SLC35F4: variants seen among roughly 807,000 people sequenced by gnomAD.
SLC35F4 encodes solute carrier family 35 member F4.
SLC35F4 carries 24 observed loss-of-function variants against 44.2 expected under a neutral mutation model. That is an observed-to-expected ratio of 0.54 (90% CI 0.39 to 0.76). The LOEUF (loss-of-function observed/expected upper bound fraction) is 0.76, where lower values mean the gene tolerates loss of function less well. Among genes scored for constraint, SLC35F4 ranks in the 30% least tolerant of loss-of-function variants. The probability of loss-of-function intolerance (pLI) is 0.00; values close to 1 mark genes in which losing one functional copy is unlikely to be tolerated. For missense variants in SLC35F4, 562 were observed against 586.1 expected (o/e 0.96, Z 0.42); for synonymous variants, 238 against 223.6 (o/e 1.06, Z -0.57).
chr14:57,891,667 G>C (rs1888766701), intron 1 of SLC35F4, among the ~76,000 whole-genome samples: 2 of 152,078 alleles, frequency 1.3e-5, no homozygotes, highest in South Asian at 4.1e-4. Context: ...CACGAGATCA[G>C]GAGATCGAGA....
chr14:57,590,404 C>T (rs1391159882), intron 2 of SLC35F4, among the ~76,000 whole-genome samples: 2 of 151,590 alleles, frequency 1.3e-5, no homozygotes, highest in Non-Finnish European at 1.5e-5. Flanking sequence ...AAAAAAAATG[C>T]AACAGAGATG....
chr14:57,764,193 T>C (rs935045344), intron 1 of SLC35F4, among the ~76,000 whole-genome samples: 6 of 152,206 alleles, frequency 3.9e-5, no homozygotes, highest in Non-Finnish European at 7.4e-5. Context: ...TAGCAACCCA[T>C]AGAATCATGA....
chr14:57,916,500 G>A (rs1305443490), intron 1 of SLC35F4, among the ~76,000 whole-genome samples: 2 of 152,106 alleles, frequency 1.3e-5, no homozygotes, highest in Non-Finnish European at 2.9e-5. Flanking sequence ...TGAGCTTCCT[G>A]GATCTGTAGT....
intron 1 of SLC35F4, chr14:57,596,833 T>C: frequency 1.5e-6 from 2 of 1,367,702 alleles, no homozygotes; most frequent in South Asian, 1.1e-5. Context: ...GCAAAGCCCA[T>C]TGCCTGCTGC....
At chr14:57,622,948 C>G (rs931809207) in intron 1 of SLC35F4, among the ~76,000 whole-genome samples, 19 of 152,056 alleles carry the variant, frequency 1.2e-4, no homozygotes, top group African/African-American at 4.6e-4. Flanking sequence ...ACAGGATCGA[C>G]TTCACACATA....
chr14:57,569,672 A>G (rs1269977147), intron 6 of SLC35F4, 116 bp downstream of exon 6: 13 of 1,183,016 alleles, frequency 1.1e-5, no homozygotes, highest in African/African-American at 3.1e-5. Flanking sequence ...ATTGAACAAC[A>G]TAAGTTTGGG....
intron 3 of SLC35F4, among the ~76,000 whole-genome samples, chr14:57,582,677 T>C (rs768480295): frequency 6.6e-6 from 1 of 152,230 alleles, no homozygotes; most frequent in Non-Finnish European, 1.5e-5. Flanking sequence ...ATGGGGTAAC[T>C]GTCATGCTCC....
intron 1 of SLC35F4, among the ~76,000 whole-genome samples, chr14:57,886,997 T>C (rs1854119456): frequency 6.6e-6 from 1 of 152,096 alleles, no homozygotes; most frequent in Non-Finnish European, 1.5e-5. Flanking sequence ...CCAATGTCAC[T>C]CTGTTCCATG....
intron 1 of SLC35F4, among the ~76,000 whole-genome samples, chr14:57,902,251 G>A (rs1226538793): frequency 6.6e-6 from 1 of 152,128 alleles, no homozygotes. Context: ...TCATAAAAAT[G>A]TTCATATCCT....
At chr14:57,966,401 A>C (rs577136556) in intron 1 of SLC35F4, among the ~76,000 whole-genome samples, 45 of 152,352 alleles carry the variant, frequency 3.0e-4, no homozygotes, top group Middle Eastern at 3.4e-3. Flanking sequence ...ATTGATGCAT[A>C]ATTCATTAGT....
chr14:57,674,830 G>A (rs1372033598), intron 1 of SLC35F4, among the ~76,000 whole-genome samples: 1 of 152,088 alleles, frequency 6.6e-6, no homozygotes, highest in Admixed American at 6.6e-5. Context: ...AGAGGGCCAA[G>A]TGATACCTGC....
At chr14:57,866,103 C>G, upstream of SLC35F4, 1 of 208,526 alleles carries the variant, frequency 4.8e-6, no homozygotes, top group Non-Finnish European at 9.5e-6. Flanking sequence ...AGCGCCCCCT[C>G]ACCTCCGACG....
At chr14:57,816,360 C>G (rs1473755765) in intron 1 of SLC35F4, among the ~76,000 whole-genome samples, 2 of 152,102 alleles carry the variant, frequency 1.3e-5, no homozygotes, top group African/African-American at 4.8e-5. Context: ...ACACAGGATC[C>G]ACCCCCACTC....
rs1013940836 is a variant in SLC35F4 at position 57,597,889 on chromosome 14, T to C, written c.104-3765A>G. ...TTGAAAAGGAGCTGTCTAATTGAGA[T>C]TCAGGCAGTATACAGTGGCTAAGAA... On this transcript the variant is annotated intron_variant, in intron 1 of 7. Coordinates refer to ENST00000556826, the MANE Select transcript of SLC35F4 (RefSeq NM_001306087.2). Among the ~76,000 whole-genome samples the C allele has an allele frequency of 3.3e-5, 5 of 152,288 alleles. No homozygotes were observed. The South Asian group carries it at 6.2e-4, about 19-fold the overall frequency.
chr14:57,580,822 A>T (rs1044799995), intron 4 of SLC35F4, among the ~76,000 whole-genome samples: 4 of 152,062 alleles, frequency 2.6e-5, no homozygotes, highest in Non-Finnish European at 5.9e-5. Flanking sequence ...GGTGGGGGGA[A>T]TGGGGGGTCA....
chr14:57,594,922 G>A (rs114742892), intron 1 of SLC35F4, among the ~76,000 whole-genome samples: 1 of 152,154 alleles, frequency 6.6e-6, no homozygotes, highest in Non-Finnish European at 1.5e-5. Flanking sequence ...GTCACATAGG[G>A]TGCTGTGCTG....
At chr14:57,762,339 A>G (rs943979505) in intron 1 of SLC35F4, among the ~76,000 whole-genome samples, 25 of 152,140 alleles carry the variant, frequency 1.6e-4, no homozygotes, top group African/African-American at 5.8e-4. Flanking sequence ...AAAAAATTGT[A>G]CAAGACTTGG....
At chr14:57,949,881 C>T (rs1338455519) in intron 1 of SLC35F4, among the ~76,000 whole-genome samples, 2 of 152,184 alleles carry the variant, frequency 1.3e-5, no homozygotes, top group Non-Finnish European at 2.9e-5. Context: ...TAAAAGGTTT[C>T]TGCTGAGAAA....
At chr14:57,881,175 T>C (rs1171094406) in intron 1 of SLC35F4, among the ~76,000 whole-genome samples, 1 of 152,198 alleles carries the variant, frequency 6.6e-6, no homozygotes, top group Admixed American at 6.5e-5. Flanking sequence ...CTAATGTCAT[T>C]GATTAGCTGT....
Sources: gnomAD v4.1 joint callset for allele counts (sites outside exome capture counted in the v4.1 genomes callset) on GRCh38, gnomAD v4.1.1 for gene constraint, MANE v1.5 for transcripts, NCBI Gene and HGNC (gene_info 2026-07-23, HGNC 2026-07-21) for gene names.